Variants in HSD17B12 observed in about 807,000 individuals in gnomAD.
HSD17B12 encodes the protein very-long-chain 3-oxoacyl-CoA reductase.
Under a neutral mutation model 39.3 loss-of-function variants are expected in HSD17B12, and 32 were observed. The ratio of observed to expected loss-of-function variants is 0.81; its 90% confidence interval spans 0.61 to 1.09. The LOEUF (loss-of-function observed/expected upper bound fraction) is 1.09. HSD17B12 is among the 50% of genes least tolerant of loss of function. HSD17B12 has a pLI of 0.00. For synonymous variants in HSD17B12, 150 were observed against 146.7 expected (o/e 1.02, Z -0.16); for missense variants, 342 against 382.9 (o/e 0.89, Z 0.89).
chr11:43,642,026 T>C, the HSD17B12 span, among the ~76,000 whole-genome samples: 3 of 151,850 alleles, frequency 2.0e-5, no homozygotes, highest in African/African-American at 7.2e-5. Flanking sequence ...TCTATTAACA[T>C]ATATATATTC....
the HSD17B12 span, among the ~76,000 whole-genome samples, chr11:43,628,553 G>C: frequency 6.6e-6 from 1 of 151,938 alleles, no homozygotes; most frequent in African/African-American, 2.4e-5. Flanking sequence ...CTTGTTTTCT[G>C]TTTTAACCTG....
chr11:43,840,410 A>C (rs991918105), intron 9 of HSD17B12, among the ~76,000 whole-genome samples: 7 of 152,084 alleles, frequency 4.6e-5, no homozygotes, highest in African/African-American at 1.7e-4. Flanking sequence ...TACCATTTTC[A>C]TCATTTTTAA....
intron 7 of HSD17B12, chr11:43,834,052 T>G (rs1289037436): frequency 6.6e-6 from 1 of 152,186 alleles, no homozygotes; most frequent in Non-Finnish European, 1.5e-5. Flanking sequence ...GTTATGGTGT[T>G]TTAGGGCAAG....
At chr11:43,695,984 C>T (rs2134794683) in intron 1 of HSD17B12, among the ~76,000 whole-genome samples, 1 of 152,262 alleles carries the variant, frequency 6.6e-6, no homozygotes, top group African/African-American at 2.4e-5. Context: ...TCCTGATCCT[C>T]TCCCTCCTCC....
At chr11:43,683,230 T>C (rs1035313105) in intron 1 of HSD17B12, among the ~76,000 whole-genome samples, 1 of 151,926 alleles carries the variant, frequency 6.6e-6, no homozygotes, top group Non-Finnish European at 1.5e-5. Flanking sequence ...AACATTTGTG[T>C]TGAAAAGATT....
At chr11:43,849,079 G>A (rs1289877845) in intron 9 of HSD17B12, among the ~76,000 whole-genome samples, 1 of 152,172 alleles carries the variant, frequency 6.6e-6, no homozygotes, top group East Asian at 1.9e-4. Flanking sequence ...GAGATGTATG[G>A]ATTGCTTGGG....
intron 1 of HSD17B12, among the ~76,000 whole-genome samples, chr11:43,725,344 G>C (rs1401044464): frequency 6.6e-6 from 1 of 152,160 alleles, no homozygotes; most frequent in African/African-American, 2.4e-5. Flanking sequence ...TAAAAATACT[G>C]AACATCATGC....
At chr11:43,819,377 C>T (rs117714756) in intron 6 of HSD17B12, among the ~76,000 whole-genome samples, 1 of 152,274 alleles carries the variant, frequency 6.6e-6, no homozygotes, top group Non-Finnish European at 1.5e-5. Flanking sequence ...GAGAATCAGT[C>T]ATCCTGCTGT....
chr11:43,685,064 T>G (rs1489013225), intron 1 of HSD17B12, among the ~76,000 whole-genome samples: 1 of 152,250 alleles, frequency 6.6e-6, no homozygotes, highest in Non-Finnish European at 1.5e-5. Context: ...ATATTCTGTT[T>G]TGTGGAGTGA....
chr11:43,600,237 G>A, the HSD17B12 span, among the ~76,000 whole-genome samples: 3 of 150,602 alleles, frequency 2.0e-5, no homozygotes, highest in Non-Finnish European at 4.4e-5. Flanking sequence ...CCTTTTACTT[G>A]TATTCTTTTA....
At chr11:43,589,770 T>A in the HSD17B12 span, among the ~76,000 whole-genome samples, 1 of 152,236 alleles carries the variant, frequency 6.6e-6, no homozygotes, top group East Asian at 1.9e-4. Flanking sequence ...GTGAAACCTG[T>A]TGGTCAAGAA....
At chr11:43,614,604 C>G in the HSD17B12 span, among the ~76,000 whole-genome samples, 1 of 152,090 alleles carries the variant, frequency 6.6e-6, no homozygotes, top group Non-Finnish European at 1.5e-5. Context: ...GGGAAATGGT[C>G]ATTTGGTCTT....
At chr11:43,615,303 C>A in the HSD17B12 span, among the ~76,000 whole-genome samples, 2 of 152,190 alleles carry the variant, frequency 1.3e-5, no homozygotes, top group Non-Finnish European at 2.9e-5. Context: ...ACTCCAATGT[C>A]TTCCTACCCT....
the HSD17B12 span, among the ~76,000 whole-genome samples, chr11:43,592,727 T>C: frequency 1.3e-5 from 2 of 152,222 alleles, no homozygotes; most frequent in African/African-American, 4.8e-5. Flanking sequence ...CTGTTGACTG[T>C]TAATATGCAA....
intron 3 of HSD17B12, among the ~76,000 whole-genome samples, chr11:43,787,052 A>G (rs539760744): frequency 3.3e-5 from 5 of 152,128 alleles, no homozygotes; most frequent in Non-Finnish European, 7.4e-5. Flanking sequence ...AGTGATTCTC[A>G]TGCCTCAACC....
At chr11:43,693,328 A>C (rs1364472799) in intron 1 of HSD17B12, among the ~76,000 whole-genome samples, 1 of 152,216 alleles carries the variant, frequency 6.6e-6, no homozygotes. Flanking sequence ...GATAGTGATG[A>C]GGATGCTGGC....
intron 1 of HSD17B12, among the ~76,000 whole-genome samples, chr11:43,725,281 CT>C (rs1950211000): frequency 1.3e-5 from 2 of 152,126 alleles, no homozygotes; most frequent in Admixed American, 6.6e-5. Flanking sequence ...TTGGTATGTA[CT>C]TCAGAAATTA....
chr11:43,566,304 AT>A, the HSD17B12 span, among the ~76,000 whole-genome samples: 1 of 152,132 alleles, frequency 6.6e-6, no homozygotes, highest in Admixed American at 6.5e-5. Context: ...CTCATCAAAT[AT>A]TTTTAACCTT....
chr11:43,582,701 A>G, the HSD17B12 span, among the ~76,000 whole-genome samples: 1 of 152,248 alleles, frequency 6.6e-6, no homozygotes, highest in Admixed American at 6.5e-5. Flanking sequence ...CGCTGGTTGA[A>G]CACCCGGACT....
Sources: gnomAD v4.1 joint callset for allele counts (sites outside exome capture counted in the v4.1 genomes callset) on GRCh38, gnomAD v4.1.1 for gene constraint, MANE v1.5 for transcripts, NCBI Gene and HGNC (gene_info 2026-07-23, HGNC 2026-07-21) for gene names.